The following ACBD4 variants were observed in gnomAD, a reference collection of about 807,000 sequenced individuals.
ACBD4 encodes acyl-CoA-binding domain-containing protein 4.
ACBD4 carries 41 observed loss-of-function variants against 46.0 expected under a neutral mutation model. That is an observed-to-expected ratio of 0.89 (90% CI 0.69 to 1.16). The LOEUF (loss-of-function observed/expected upper bound fraction) is 1.16. ACBD4 is among the 50% of genes most tolerant of loss of function. The pLI is 0.00. For synonymous variants in ACBD4, 162 were observed against 155.9 expected (o/e 1.04, Z -0.29); for missense variants, 393 against 399.5 (o/e 0.98, Z 0.14).
upstream of ACBD4, chr17:45,132,510 G>GAGAAGAAA (rs2054479429): frequency 1.6e-6 from 1 of 633,818 alleles, no homozygotes; most frequent in Admixed American, 5.8e-5. This position sits in a 1 kb window ranked among gnomAD's most constrained non-coding sequence, Gnocchi z 4.6. Flanking sequence ...GAGGCGGCGA[G>GAGAAGAAA]CGAAGAAACT....
In ACBD4 at chr17:45,139,080, GT is replaced by G; in HGVS notation, c.711del (p.Arg238GlufsTer92). 1 of 1,613,896 alleles carries G rather than the reference GT, an allele frequency of 6.2e-7. No individual in the cohort carries two copies. Among genetic ancestry groups the G allele is most frequent in the Non-Finnish European group, 8.5e-7 (1 of 1,180,028 alleles). ...GTTGGACGTGTGGCTGCTGGGGACA[GT>G]TCGAGCACTACAGGAGAGCATGCAG... ...QELDVWLLGT[V>X]RALQESMQEV... On this transcript the variant is annotated frameshift_variant, in exon 9 of 10. Transcript: ENST00000321854. LOFTEE classifies it high-confidence loss of function.
chr17:45,138,078 A>T, intron 8 of ACBD4, 90 bp downstream of exon 8: 1 of 1,328,848 alleles, frequency 7.5e-7, no homozygotes, highest in African/African-American at 1.5e-5. Context: ...CCTAGGGCAG[A>T]GTTGAAAGTC....
chr17:45,134,842 TC>T (rs2054700638), upstream of ACBD4, among the ~76,000 whole-genome samples: 1 of 152,088 alleles, frequency 6.6e-6, no homozygotes, highest in Admixed American at 6.6e-5. Context: ...GTAACTATAA[TC>T]GTTGTATTGT....
intron 9 of ACBD4, among the ~76,000 whole-genome samples, chr17:45,141,738 A>G (rs148978064): frequency 3.3e-4 from 50 of 152,328 alleles, no homozygotes; most frequent in African/African-American, 1.2e-3. Flanking sequence ...GGCAGAGGAC[A>G]CATGCTATCT....
At chr17:45,137,479 G>T (rs756815371) in intron 6 of ACBD4, 25 bp downstream of exon 6, 225 of 1,612,510 alleles carry the variant, frequency 1.4e-4, no homozygotes, top group Non-Finnish European at 1.8e-4. Context: ...AGGAGGGGTG[G>T]ACCAAACTCA....
Position 45,143,432 on chromosome 17 carries a change from C to T in ACBD4, c.790-11C>T, listed in dbSNP as rs763056101. On this transcript the variant is annotated splice_polypyrimidine_tract_variant and intron_variant, in intron 9 of 9. Transcript: ENST00000321854. ...TGGACTGGCCTCTGACTCCCTCCCT[C>T]TTGGCTGCAGAGGCCGCAGCCCAGG... The T allele has an allele frequency of 1.9e-6, 3 of 1,600,154 alleles. No homozygotes were observed. The highest frequency in any genetic ancestry group is 2.6e-6 in the Non-Finnish European group (3 of 1,176,208).
At chr17:45,138,655 G>T (rs867840371) in intron 8 of ACBD4, 8 of 255,974 alleles carry the variant, frequency 3.1e-5, no homozygotes, top group South Asian at 2.4e-4. Flanking sequence ...GCCGGGTGTG[G>T]TGGGCACCTA....
intron 5 of ACBD4, 78 bp from the exon 6 acceptor site, chr17:45,137,290 A>G (rs2054918398): frequency 5.0e-6 from 8 of 1,601,956 alleles, no homozygotes; most frequent in South Asian, 1.1e-5. Flanking sequence ...TCCACGGCTC[A>G]TCACGAGTAG....
At chr17:45,142,389 C>CAAAAAAAAAAAAAAAAAA (rs1161132274) in intron 9 of ACBD4, among the ~76,000 whole-genome samples, 52 of 28,594 alleles carry the variant, frequency 1.8e-3, no homozygotes, top group South Asian at 2.4e-3. Context: ...CAAGACTCCT[C>CAAAAAAAAAAAAAAAAAA]AAAAAAAAAA....
Position 45,137,404 on chromosome 17 carries a change from C to T in ACBD4, c.452C>T (p.Ala151Val), listed in dbSNP as rs748352757. The T allele has an allele frequency of 3.7e-6, 6 of 1,613,996 alleles. No homozygotes were observed. The highest frequency in any genetic ancestry group is 4.2e-6 in the Non-Finnish European group (5 of 1,180,006). Residue 151 changes from alanine to valine, a missense_variant, in exon 6 of 10, where the codon GCT becomes GTT. By Grantham distance (64) the Ala-to-Val change is moderately conservative. Transcript: ENST00000321854. Reference sequence around the variant, plus strand: ...CAGGTTGTGAATGGAGATGTTGGGGCTGTTTCAGAGCCTCCCTGCCTCCCC... The same window carrying T: ...CAGGTTGTGAATGGAGATGTTGGGGTTGTTTCAGAGCCTCCCTGCCTCCCC... Reference protein sequence around the residue: ...KEQVVNGDVGAVSEPPCLPKE... With the variant: ...KEQVVNGDVGVVSEPPCLPKE...
chr17:45,138,030 C>A (rs370032719), intron 8 of ACBD4, 42 bp downstream of exon 8: 3 of 1,574,056 alleles, frequency 1.9e-6, no homozygotes, highest in East Asian at 4.6e-5. Context: ...TGCCCTTTCC[C>A]GTGGTCCTGG....
chr17:45,139,029 C>T lies in ACBD4; in HGVS notation c.658C>T (p.Arg220Trp), dbSNP rs568510716. ...PVPPTKKEGL[R>W]GSPPGPQELD... is the part of the protein sequence containing the mutation. Reference sequence around the variant, plus strand: ...GTGTCTGTGCTCCGCAGAGGGGTTGCGGGGCAGCCCGCCGGGGCCCCAGGA... The same window carrying T: ...GTGTCTGTGCTCCGCAGAGGGGTTGTGGGGCAGCCCGCCGGGGCCCCAGGA... The change falls in exon 9 of 10, where the codon CGG becomes TGG. Residue 220 changes from arginine to tryptophan, a missense_variant. Arg to Trp is a moderately radical substitution (Grantham distance 101). Around this residue, in one of 3 missense-constraint regions of ACBD4, gnomAD observed 308 missense variants for 301.8 expected, o/e 1.02. Coordinates refer to ENST00000321854, the MANE Select transcript of ACBD4 (RefSeq NM_001135705.3). The T allele has an allele frequency of 1.2e-5, 20 of 1,612,948 alleles. No individual in the cohort carries two copies. In the East Asian group the frequency reaches 3.1e-4, roughly 25 times the overall value.
In ACBD4 at chr17:45,136,138, C is replaced by T; in HGVS notation, c.-7C>T. 6.2e-7 allele frequency: 1 copy of T among 1,612,930 alleles called. No individual in the cohort carries two copies. The highest frequency in any genetic ancestry group is 8.5e-7 in the Non-Finnish European group (1 of 1,179,768). On this transcript the variant is annotated 5_prime_UTR_variant, in exon 2 of 10. Transcript: ENST00000321854. The stretch of plus-strand genomic sequence containing the variant: ...CTCAAAAGTAGGGCCCCAGGGCTCG[C>T]AGCAGCATGGGCACCGAGAAAGAAA...
At chr17:45,139,408 C>T (rs528778817) in intron 9 of ACBD4, among the ~76,000 whole-genome samples, 1 of 152,308 alleles carries the variant, frequency 6.6e-6, no homozygotes, top group South Asian at 2.1e-4. Flanking sequence ...TGGAGAGAAG[C>T]TAAGCCTCAG....
chr17:45,136,983 G>A (rs1375680657), intron 4 of ACBD4, 36 bp from the exon 5 acceptor site: 1 of 1,612,860 alleles, frequency 6.2e-7, no homozygotes, highest in African/African-American at 1.3e-5. Flanking sequence ...AGGGACAGGA[G>A]GCCACTCCGT....
At chr17:45,139,304 G>C in intron 9 of ACBD4, 144 bp downstream of exon 9, 1 of 889,636 alleles carries the variant, frequency 1.1e-6, no homozygotes, top group Non-Finnish European at 1.7e-6. Flanking sequence ...CCTGCTACAG[G>C]CAGGAGGTGG....
Position 45,143,715 on chromosome 17 carries a change from G to A in ACBD4, c.*144G>A, listed in dbSNP as rs1445807617. 16 of 1,375,748 alleles carry A rather than the reference G, an allele frequency of 1.2e-5. No homozygotes were observed. In the Admixed American group the frequency reaches 1.8e-4, roughly 16 times the overall value. The allele number at this position is 1,375,748 out of a possible 1,614,324, so 85.2% of individuals were successfully genotyped here. On this transcript the variant is annotated 3_prime_UTR_variant, in exon 10 of 10. Transcript: ENST00000321854. ...CTCCTCCCCTAAAGCAGCGCGGGGG[G>A]CAAATAAGACCCCACCCCTCCCTGC...
rs199574823 is a variant in ACBD4 at position 45,136,148 on chromosome 17, G to T, written c.4G>T (p.Gly2Cys). Residue 2 changes from glycine to cysteine, a missense_variant, in exon 2 of 10, where the codon GGC becomes TGC. By Grantham distance (159) the Gly-to-Cys change is radical. Transcript: ENST00000321854. The stretch of plus-strand genomic sequence containing the variant: ...GGGCCCCAGGGCTCGCAGCAGCATG[G>T]GCACCGAGAAAGAAAGCCCAGAGCC... M[G>C]TEKESPEPDC... is the part of the protein sequence containing the mutation. The T allele has an allele frequency of 4.8e-4, 775 of 1,613,228 alleles. 10 individuals are homozygous for T. In the East Asian group the frequency reaches 0.017, roughly 35 times the overall value.
chr17:45,139,268 ATC>A (rs1391640938), intron 9 of ACBD4, 108 bp downstream of exon 9: 20 of 1,123,260 alleles, frequency 1.8e-5, no homozygotes, highest in Non-Finnish European at 1.3e-6. Flanking sequence ...ACCTGCCCAC[ATC>A]TCTCTCCAGA....
Sources: gnomAD v4.1 joint callset for allele counts (sites outside exome capture counted in the v4.1 genomes callset) on GRCh38, gnomAD v4.1.1 for gene constraint, gnomAD v4.1.1 regional missense constraint, Gnocchi (gnomAD v3.1) non-coding constraint, MANE v1.5 for transcripts, NCBI Gene and HGNC (gene_info 2026-07-23, HGNC 2026-07-21) for gene names.